ADGRB3: variants seen among roughly 807,000 people sequenced by gnomAD.
The protein encoded by ADGRB3 is adhesion G protein-coupled receptor B3.
Under a neutral mutation model 193.4 loss-of-function variants are expected in ADGRB3, and 37 were observed. The ratio of observed to expected loss-of-function variants is 0.19; its 90% CI spans 0.15 to 0.25. The LOEUF is 0.25. Ranked by LOEUF, ADGRB3 falls within the 10% of genes least tolerant of loss-of-function variation. The pLI is 1.00. For missense variants in ADGRB3, 1,637 were observed against 1,852.9 expected (o/e 0.88, Z 2.14); for synonymous variants, 690 against 644.2 (o/e 1.07, Z -1.08).
intron 13 of ADGRB3, among the ~76,000 whole-genome samples, chr6:69,039,991 C>T (rs762252733): frequency 1.4e-4 from 22 of 152,042 alleles, no homozygotes; most frequent in Non-Finnish European, 2.4e-4. Context: ...CCGCCCGCCT[C>T]GGCCTCCCAA....
intron 3 of ADGRB3, among the ~76,000 whole-genome samples, chr6:68,768,344 T>C (rs188951883): frequency 6.6e-6 from 1 of 152,034 alleles, no homozygotes; most frequent in Non-Finnish European, 1.5e-5. Context: ...AAAACAGATA[T>C]CTAGACCAAG....
chr6:68,728,643 A>G (rs987250798), intron 3 of ADGRB3, among the ~76,000 whole-genome samples: 3 of 151,638 alleles, frequency 2.0e-5, no homozygotes, highest in Admixed American at 6.6e-5. Context: ...AGATATAGAT[A>G]TCTTTATTTC....
chr6:69,299,655 A>G (rs542673838), intron 20 of ADGRB3, among the ~76,000 whole-genome samples: 1 of 151,910 alleles, frequency 6.6e-6, no homozygotes, highest in South Asian at 2.1e-4. Flanking sequence ...TCCCCATTGT[A>G]TGTTCTTGGC....
At chr6:68,844,852 T>C (rs1167787754) in intron 3 of ADGRB3, among the ~76,000 whole-genome samples, 1 of 152,148 alleles carries the variant, frequency 6.6e-6, no homozygotes, top group Non-Finnish European at 1.5e-5. Flanking sequence ...TTAGGTTAAA[T>C]GAAATGTCAG....
Position 69,056,966 on chromosome 6 carries a change from A to G in ADGRB3, c.2334-5968A>G, listed in dbSNP as rs889295558. 6.6e-5 allele frequency among the ~76,000 whole-genome samples: 10 copies of G among 152,262 alleles called. No homozygotes were observed. The South Asian group carries it at 2.1e-3, about 32-fold the overall frequency. ...TATATTTTTTTCCATTTCTGCAAAAATACCATTTGGATAGATTGCTTTGGG... is the reference window on the plus strand; with the variant it reads ...TATATTTTTTTCCATTTCTGCAAAAGTACCATTTGGATAGATTGCTTTGGG... On this transcript the variant is annotated intron_variant, in intron 15 of 31. Transcript: ENST00000370598.
chr6:69,377,058 A>C (rs1769840510), intron 30 of ADGRB3, among the ~76,000 whole-genome samples: 1 of 152,098 alleles, frequency 6.6e-6, no homozygotes, highest in African/African-American at 2.4e-5. Context: ...TGAGGGATGC[A>C]TTGGGACTCC....
chr6:68,920,243 T>G (rs1228261480), intron 3 of ADGRB3, among the ~76,000 whole-genome samples: 2 of 151,942 alleles, frequency 1.3e-5, no homozygotes, highest in Non-Finnish European at 2.9e-5. Context: ...GGGGGCCAGG[T>G]GCGGTGGCTC....
intron 3 of ADGRB3, among the ~76,000 whole-genome samples, chr6:68,719,578 C>G (rs1158361639): frequency 2.0e-5 from 3 of 151,726 alleles, no homozygotes; most frequent in Non-Finnish European, 4.4e-5. Flanking sequence ...GAAAGATACT[C>G]TTTGTGATCC....
At chr6:68,841,930 A>G (rs550090) in intron 3 of ADGRB3, among the ~76,000 whole-genome samples, 32,573 of 151,890 alleles carry the variant, frequency 0.21, 4,038 homozygotes, top group East Asian at 0.58. Context: ...AAAATAGGAA[A>G]AACAAATGAC....
intron 10 of ADGRB3, among the ~76,000 whole-genome samples, chr6:68,983,289 C>T (rs1768979299): frequency 6.6e-6 from 1 of 151,592 alleles, no homozygotes; most frequent in South Asian, 2.1e-4. Context: ...TTAAGCTTCT[C>T]CCAAAGTATG....
At chr6:68,725,501 C>A (rs142767335) in intron 3 of ADGRB3, among the ~76,000 whole-genome samples, 2 of 151,724 alleles carry the variant, frequency 1.3e-5, no homozygotes, top group East Asian at 3.9e-4. Context: ...TACAACATTT[C>A]CACCACAAAT....
chr6:69,329,446 A>G (rs1158581054), intron 22 of ADGRB3, among the ~76,000 whole-genome samples: 1 of 152,202 alleles, frequency 6.6e-6, no homozygotes, highest in Non-Finnish European at 1.5e-5. Flanking sequence ...CATACTAGGT[A>G]AATATGTTTA....
chr6:68,673,438 T>C (rs1324886559), intron 3 of ADGRB3, among the ~76,000 whole-genome samples: 1 of 152,114 alleles, frequency 6.6e-6, no homozygotes, highest in East Asian at 1.9e-4. Context: ...GAAAACTCAG[T>C]GTTATCAGTC....
chr6:69,186,198 A>T (rs1765063521), intron 17 of ADGRB3, among the ~76,000 whole-genome samples: 1 of 146,054 alleles, frequency 6.8e-6, no homozygotes, highest in African/African-American at 2.6e-5. Context: ...AAAAAAAAAA[A>T]TTGTCAATTG....
At chr6:69,088,461 C>T (rs1024927781) in intron 17 of ADGRB3, among the ~76,000 whole-genome samples, 2 of 152,090 alleles carry the variant, frequency 1.3e-5, no homozygotes, top group African/African-American at 4.8e-5. Context: ...CAACTTCTAC[C>T]TCCCGGGTTC....
At chr6:69,201,576 A>G (rs1765417552) in intron 17 of ADGRB3, among the ~76,000 whole-genome samples, 1 of 151,858 alleles carries the variant, frequency 6.6e-6, no homozygotes, top group Non-Finnish European at 1.5e-5. Context: ...ATATACTTAC[A>G]TTTTATTGAT....
intron 3 of ADGRB3, among the ~76,000 whole-genome samples, chr6:68,651,022 C>G (rs1768353882): frequency 6.6e-6 from 1 of 152,114 alleles, no homozygotes. Flanking sequence ...CTTGGGAAGA[C>G]AAAAATCTGT....
chr6:69,258,573 T>G (rs1482234985), intron 20 of ADGRB3, among the ~76,000 whole-genome samples: 1 of 152,278 alleles, frequency 6.6e-6, no homozygotes, highest in African/African-American at 2.4e-5. Context: ...CAGCCATTTT[T>G]CTAATGACAA....
intron 3 of ADGRB3, among the ~76,000 whole-genome samples, chr6:68,893,819 A>G (rs1766146609): frequency 6.6e-6 from 1 of 151,938 alleles, no homozygotes; most frequent in African/African-American, 2.4e-5. Context: ...ATAACATTGG[A>G]ATTTATAAAC....
Sources: gnomAD v4.1 joint callset for allele counts (sites outside exome capture counted in the v4.1 genomes callset) on GRCh38, gnomAD v4.1.1 for gene constraint, MANE v1.5 for transcripts, NCBI Gene and HGNC (gene_info 2026-07-23, HGNC 2026-07-21) for gene names.